The following KCNH1 variants were observed in gnomAD, a reference collection of about 807,000 sequenced individuals.
The protein encoded by KCNH1 is potassium voltage-gated channel subfamily H member 1, also known as voltage-gated delayed rectifier potassium channel KCNH1.
In KCNH1, 27 loss-of-function variants were observed where a neutral mutation model predicts 69.2. That is an observed-to-expected ratio of 0.39 (90% CI 0.29 to 0.54). The LOEUF is 0.54. KCNH1 is among the 20% of genes least tolerant of loss of function. The pLI, the probability that KCNH1 is intolerant of heterozygous loss-of-function variation, is 0.68. For synonymous variants in KCNH1, 456 were observed against 487.7 expected (o/e 0.93, Z 0.86); for missense variants, 798 against 1,261.6 (o/e 0.63, Z 5.57).
intron 7 of KCNH1, among the ~76,000 whole-genome samples, chr1:210,900,573 G>A (rs56750554): frequency 0.02 from 3,077 of 152,280 alleles, 110 homozygotes; most frequent in African/African-American, 0.068. Flanking sequence ...GGCATAGGCA[G>A]GGAAAATAAC....
Position 210,680,065 on chromosome 1 carries a change from A to T in KCNH1, c.*3216T>A, listed in dbSNP as rs1474014037. 1 of 151,964 alleles carries T rather than the reference A, an allele frequency of 6.6e-6. No individual in the cohort carries two copies. Among genetic ancestry groups the T allele is most frequent in the African/African-American group, 2.4e-5 (1 of 41,366 alleles). 9.4% of individuals were successfully genotyped at this position (151,964 alleles called of 1,614,324 possible). ...GCTATCTTGTCATGTCCAGTGGAGG[A>T]GCCCTTTGTAAGTATATGGGATGGC... On this transcript the variant is annotated 3_prime_UTR_variant, in exon 11 of 11. Coordinates refer to ENST00000271751, the MANE Select transcript of KCNH1 (RefSeq NM_172362.3).
chr1:210,818,178 T>C (rs981146198), intron 7 of KCNH1, among the ~76,000 whole-genome samples: 2 of 152,284 alleles, frequency 1.3e-5, no homozygotes, highest in Admixed American at 1.3e-4. Context: ...ATTATGTATT[T>C]AGAAAACTTG....
intron 9 of KCNH1, among the ~76,000 whole-genome samples, chr1:210,789,473 T>A (rs1684172928): frequency 6.6e-6 from 1 of 152,240 alleles, no homozygotes; most frequent in Non-Finnish European, 1.5e-5. Context: ...ACTTTTTTTC[T>A]GATCGAATTG....
At position 211,019,068 on chromosome 1, in the gene KCNH1, G is replaced by T. The variant is rs1179294464; in HGVS notation, c.747C>A (p.Ala249=). Residue 249 remains alanine, a synonymous_variant, in exon 6 of 11, where the codon GCC becomes GCA. Transcript: ENST00000271751. The part of the protein sequence containing the change: ...VSFKTRQNNV[A]WLVVDSIVDV... Reference sequence around the variant, plus strand: ...CCACGATGCTATCAACAACCAGCCAGGCCACATTATTCTGCCTGGTTTTGA... The same window carrying T: ...CCACGATGCTATCAACAACCAGCCATGCCACATTATTCTGCCTGGTTTTGA... 1.9e-6 allele frequency: 3 copies of T among 1,614,034 alleles called. No individual in the cohort carries two copies.
intron 7 of KCNH1, among the ~76,000 whole-genome samples, chr1:210,844,935 G>A (rs1685504205): frequency 6.6e-6 from 1 of 152,178 alleles, no homozygotes; most frequent in Non-Finnish European, 1.5e-5. Context: ...TACCATCAGA[G>A]AATACTATAA....
chr1:210,992,612 G>T (rs1036390337), intron 6 of KCNH1, among the ~76,000 whole-genome samples: 2 of 151,902 alleles, frequency 1.3e-5, no homozygotes. Flanking sequence ...ATAAATAAGG[G>T]GTTCTATAAA....
chr1:211,097,248 T>C (rs1281563052), intron 3 of KCNH1, among the ~76,000 whole-genome samples: 1 of 152,190 alleles, frequency 6.6e-6, no homozygotes, highest in Non-Finnish European at 1.5e-5. Context: ...CTTCACATAA[T>C]ATATAAAAAT....
At chr1:210,962,994 A>G (rs1224962271) in intron 6 of KCNH1, among the ~76,000 whole-genome samples, 1 of 151,300 alleles carries the variant, frequency 6.6e-6, no homozygotes, top group Non-Finnish European at 1.5e-5. Context: ...TTTGCCTATT[A>G]ATTTACTGGG....
intron 10 of KCNH1, among the ~76,000 whole-genome samples, chr1:210,727,023 T>C (rs1682614142): frequency 6.6e-6 from 1 of 152,134 alleles, no homozygotes; most frequent in Admixed American, 6.5e-5. Flanking sequence ...TACTTGGGCA[T>C]GGGTTAAAAA....
intron 10 of KCNH1, among the ~76,000 whole-genome samples, chr1:210,719,755 G>A (rs1682408198): frequency 6.6e-6 from 1 of 151,992 alleles, no homozygotes; most frequent in Non-Finnish European, 1.5e-5. Context: ...TCAATATGTG[G>A]AATAAGATGA....
chr1:211,052,371 A>ACAG (rs2102441937), intron 5 of KCNH1, among the ~76,000 whole-genome samples: 1 of 152,314 alleles, frequency 6.6e-6, no homozygotes, highest in Admixed American at 6.5e-5. Context: ...CTTACAACCT[A>ACAG]CAGTCACAGC....
chr1:211,035,502 C>T (rs1391049212), intron 5 of KCNH1, among the ~76,000 whole-genome samples: 1 of 151,526 alleles, frequency 6.6e-6, no homozygotes, highest in Non-Finnish European at 1.5e-5. Flanking sequence ...CCCGCCTCGG[C>T]CTCCCAAAGT....
chr1:210,720,860 C>T (rs1323558674), intron 10 of KCNH1, among the ~76,000 whole-genome samples: 1 of 152,114 alleles, frequency 6.6e-6, no homozygotes, highest in African/African-American at 2.4e-5. Context: ...AGTTGGGCCT[C>T]CTCACAGGGT....
chr1:211,098,768 A>AG (rs1369098721), intron 3 of KCNH1, among the ~76,000 whole-genome samples: 1 of 152,362 alleles, frequency 6.6e-6, no homozygotes, highest in African/African-American at 2.4e-5. Flanking sequence ...TAGGAAAAAA[A>AG]CACTTCAATC....
At chr1:210,729,538 G>GAGTAAGAATGGCATTATTAT (rs1460891964) in intron 10 of KCNH1, among the ~76,000 whole-genome samples, 2 of 152,206 alleles carry the variant, frequency 1.3e-5, no homozygotes, top group African/African-American at 2.4e-5. Context: ...AAACTCAAGT[G>GAGTAAGAATGGCATTATTAT]AGTAAGAATG....
At chr1:211,047,386 C>T (rs1306524502) in intron 5 of KCNH1, among the ~76,000 whole-genome samples, 4 of 152,010 alleles carry the variant, frequency 2.6e-5, no homozygotes, top group Admixed American at 6.6e-5. Flanking sequence ...CATGCAAAAC[C>T]GTGAGACAGG....
chr1:210,891,308 CAT>C (rs1241291908), intron 7 of KCNH1, among the ~76,000 whole-genome samples: 1 of 152,132 alleles, frequency 6.6e-6, no homozygotes, highest in African/African-American at 2.4e-5. Context: ...CCAAATACCA[CAT>C]GTTCTCACTC....
chr1:210,713,991 T>C (rs1005631091), intron 10 of KCNH1, among the ~76,000 whole-genome samples: 1 of 152,180 alleles, frequency 6.6e-6, no homozygotes, highest in Non-Finnish European at 1.5e-5. Flanking sequence ...ACGATTGTCC[T>C]AAACCAAAGG....
chr1:210,917,281 A>G (rs1687365096), intron 7 of KCNH1, among the ~76,000 whole-genome samples: 1 of 141,036 alleles, frequency 7.1e-6, no homozygotes. Context: ...GAAAGAAAGA[A>G]AAGAAAAGAA....
Sources: allele counts gnomAD v4.1 joint callset (sites outside exome capture counted in the v4.1 genomes callset), GRCh38; gene constraint gnomAD v4.1.1; transcripts MANE v1.5; gene names NCBI Gene and HGNC (gene_info 2026-07-23, HGNC 2026-07-21).